The following VGLL3 variants were observed in gnomAD, a reference collection of about 807,000 sequenced individuals.
VGLL3 encodes the protein vestigial like family member 3.
Under a neutral mutation model 29.2 loss-of-function variants are expected in VGLL3, and 18 were observed. The ratio of observed to expected loss-of-function variants is 0.62; its 90% CI spans 0.43 to 0.91. The LOEUF is 0.91. Among genes scored for constraint, VGLL3 ranks in the 40% least tolerant of loss-of-function variants. VGLL3 has a pLI of 0.00. For missense variants in VGLL3, 440 were observed against 413.2 expected, an observed-to-expected ratio of 1.06 and a Z score of -0.56; for synonymous variants, 180 against 151.8, an observed-to-expected ratio of 1.19 and a Z score of -1.36.
At chr3:86,988,233 C>T (rs1705492563) in intron 1 of VGLL3, among the ~76,000 whole-genome samples, 1 of 152,066 alleles carries the variant, frequency 6.6e-6, no homozygotes, top group African/African-American at 2.4e-5. Flanking sequence ...CGCTCCTTTT[C>T]CATTTTTTCC....
intron 2 of VGLL3, 23 bp from the exon 3 acceptor site, chr3:86,969,146 A>T: frequency 1.3e-6 from 2 of 1,534,870 alleles, no homozygotes; most frequent in Non-Finnish European, 1.8e-6. Context: ...AAAATAAAAA[A>T]CATTATTAAC....
rs77973813 is a variant in VGLL3, at chr3:86,942,448, G to GC, written c.*4575_*4576insG. The GC allele has an allele frequency of 6.6e-6, 1 of 151,790 alleles. No homozygotes were observed. Among genetic ancestry groups the GC allele is most frequent in the African/African-American group, 2.4e-5 (1 of 41,310 alleles). The allele number at this position is 151,790 out of a possible 1,614,324, so 9.4% of individuals were successfully genotyped here. A position where few individuals can be genotyped will look rare whatever the true frequency, so the allele number is the denominator to read the frequency against. On this transcript the variant is annotated 3_prime_UTR_variant, in exon 4 of 4. Coordinates refer to ENST00000398399, the MANE Select transcript of VGLL3 (RefSeq NM_016206.4). ...GCTGACTGAGATCGTAAATGGTTGT[G>GC]TTTTTCCCCCTTTTAATGCGGAAGA... is the stretch of plus-strand genomic sequence containing the variant.
chr3:86,980,629 T>C (rs73134222), intron 1 of VGLL3, among the ~76,000 whole-genome samples: 3,896 of 152,228 alleles, frequency 0.026, 68 homozygotes, highest in Non-Finnish European at 0.041. Flanking sequence ...ATATGGTATG[T>C]GTAAAATGAG....
chr3:86,938,315 C>T lies in VGLL3; in HGVS notation c.*8709G>A, dbSNP rs1334940309. 1 of 152,288 alleles carries T rather than the reference C, an allele frequency of 6.6e-6. No homozygotes were observed. Among genetic ancestry groups the T allele is most frequent in the Non-Finnish European group, 1.5e-5 (1 of 68,016 alleles). 9.4% of individuals were successfully genotyped at this position (152,288 alleles called of 1,614,324 possible). ...ACACTGGACAGATTTTTCATGTAGC[C>T]ATTTTCTTTTGGAAACATAAAATAC... is the stretch of plus-strand genomic sequence containing the variant. On this transcript the variant is annotated 3_prime_UTR_variant, in exon 4 of 4. Coordinates refer to ENST00000398399, the MANE Select transcript of VGLL3 (RefSeq NM_016206.4).
rs893343695 is a variant in VGLL3 at position 86,949,021 on chromosome 3, C to G, written c.938-1954G>C. 2.6e-5 allele frequency among the ~76,000 whole-genome samples: 4 copies of G among 152,150 alleles called. No homozygotes were observed. In the South Asian group the frequency reaches 6.2e-4, roughly 24 times the overall value. ...TTAAAACATCTCATCCTCTGTATGACTCAGGATTTCCACACTTGAAGACTG... is the reference window on the plus strand; with the variant it reads ...TTAAAACATCTCATCCTCTGTATGAGTCAGGATTTCCACACTTGAAGACTG... On this transcript the variant is annotated intron_variant, in intron 3 of 3. Transcript: ENST00000398399.
At chr3:86,962,259 G>C in intron 3 of VGLL3, 1 of 985,298 alleles carries the variant, frequency 1.0e-6, no homozygotes, top group African/African-American at 1.7e-5. Flanking sequence ...TTCAACAGAG[G>C]GAGCAAAAAG....
Position 86,943,135 on chromosome 3 carries a change from A to G in VGLL3, c.*3889T>C, listed in dbSNP as rs76391600. 5.9e-5 allele frequency: 9 copies of G among 152,322 alleles called. No homozygotes were observed. Among genetic ancestry groups the G allele is most frequent in the African/African-American group, 1.9e-4 (8 of 41,584 alleles). 9.4% of individuals were successfully genotyped at this position (152,322 alleles called of 1,614,324 possible). On this transcript the variant is annotated 3_prime_UTR_variant, in exon 4 of 4. Transcript: ENST00000398399. ...CCACACATAAACTTTTGGCTAAACT[A>G]GAATTTAGAGAATGGCCTAACAGCC...
At chr3:86,983,155 T>C (rs565586901) in intron 1 of VGLL3, among the ~76,000 whole-genome samples, 1 of 152,326 alleles carries the variant, frequency 6.6e-6, no homozygotes, top group Non-Finnish European at 1.5e-5. Flanking sequence ...GTGGAAACTT[T>C]TTTTCCTAGG....
chr3:86,966,773 GTATA>G (rs55986686), intron 3 of VGLL3, among the ~76,000 whole-genome samples: 1,548 of 37,386 alleles, frequency 0.041, 35 homozygotes, highest in African/African-American at 0.051. Flanking sequence ...GTGTGTGTGT[GTATA>G]TATATATATA....
intron 3 of VGLL3, 88 bp from the exon 4 acceptor site, chr3:86,947,155 G>A: frequency 1.3e-6 from 1 of 756,940 alleles, no homozygotes; most frequent in Non-Finnish European, 2.5e-6. Flanking sequence ...ATTGGATATA[G>A]AAACCAAAAT....
chr3:86,940,768 T>C lies in VGLL3; in HGVS notation c.*6256A>G, dbSNP rs1374931291. ...TGAAGAGTGAATAGAAATAAGAAAA[T>C]GTTTTCCCAACCCCACAAAAACAGA... On this transcript the variant is annotated 3_prime_UTR_variant, in exon 4 of 4. Coordinates refer to ENST00000398399, the MANE Select transcript of VGLL3 (RefSeq NM_016206.4). 1.3e-5 allele frequency: 2 copies of C among 151,906 alleles called. No individual in the cohort carries two copies. The highest frequency in any genetic ancestry group is 4.8e-5 in the African/African-American group (2 of 41,408). The allele number at this position is 151,906 out of a possible 1,614,324, so 9.4% of individuals were successfully genotyped here.
rs944271773 is a variant in VGLL3 at position 86,944,162 on chromosome 3, G to C, written c.*2862C>G. 6 of 152,136 alleles carry C rather than the reference G, an allele frequency of 3.9e-5. No homozygotes were observed. Among genetic ancestry groups the C allele is most frequent in the African/African-American group, 1.2e-4 (5 of 41,440 alleles). The allele number at this position is 152,136 out of a possible 1,614,324, so 9.4% of individuals were successfully genotyped here. A position where few individuals can be genotyped will look rare whatever the true frequency, so the allele number is the denominator to read the frequency against. On this transcript the variant is annotated 3_prime_UTR_variant, in exon 4 of 4. Transcript: ENST00000398399. ...AATATGGTCCTAGAAGACAATTATA[G>C]AGACATGCTCATTCTCTTTCTATGT...
At chr3:86,986,542 A>G (rs1419368077) in intron 1 of VGLL3, among the ~76,000 whole-genome samples, 2 of 152,160 alleles carry the variant, frequency 1.3e-5, no homozygotes, top group Non-Finnish European at 1.5e-5. Context: ...GTGAAGTTAT[A>G]GGGGCTGTTC....
chr3:86,965,092 G>A (rs1328462811), intron 3 of VGLL3, among the ~76,000 whole-genome samples: 1 of 151,854 alleles, frequency 6.6e-6, no homozygotes, highest in Non-Finnish European at 1.5e-5. Flanking sequence ...AGGAAGTGAA[G>A]GTTGCGGTGA....
intron 3 of VGLL3, among the ~76,000 whole-genome samples, chr3:86,947,780 T>C (rs1704536235): frequency 6.6e-6 from 1 of 152,082 alleles, no homozygotes. Flanking sequence ...CATTGATTAA[T>C]AGGACATAGA....
chr3:86,957,189 T>A (rs1317877291), intron 3 of VGLL3, among the ~76,000 whole-genome samples: 2 of 152,168 alleles, frequency 1.3e-5, no homozygotes, highest in African/African-American at 4.8e-5. Flanking sequence ...CCCGCAATAT[T>A]TTTATCTTCT....
chr3:86,959,864 C>T (rs1704802057), intron 3 of VGLL3, among the ~76,000 whole-genome samples: 1 of 152,058 alleles, frequency 6.6e-6, no homozygotes, highest in African/African-American at 2.4e-5. Flanking sequence ...AGCACCAGAC[C>T]ACCTAAAAGA....
chr3:86,967,584 G>T (rs1479591865), intron 3 of VGLL3, among the ~76,000 whole-genome samples: 2 of 152,166 alleles, frequency 1.3e-5, no homozygotes, highest in Admixed American at 1.3e-4. Flanking sequence ...TTGTGAACCA[G>T]CACATGATTA....
At chr3:86,983,738 G>C (rs1705377677) in intron 1 of VGLL3, among the ~76,000 whole-genome samples, 1 of 152,136 alleles carries the variant, frequency 6.6e-6, no homozygotes, top group South Asian at 2.1e-4. Flanking sequence ...AGTCTATTTG[G>C]AGAAGGATAG....
Sources: allele counts gnomAD v4.1 joint callset (sites outside exome capture counted in the v4.1 genomes callset), GRCh38; gene constraint gnomAD v4.1.1; transcripts MANE v1.5; gene names NCBI Gene and HGNC (gene_info 2026-07-23, HGNC 2026-07-21).